PDE11A: variants seen among roughly 807,000 people sequenced by gnomAD.
The protein encoded by PDE11A is dual 3',5'-cyclic-AMP and -GMP phosphodiesterase 11A.
PDE11A carries 100 observed loss-of-function variants against 100.5 expected under a neutral mutation model. The observed-to-expected ratio is 1.00, with a 90% CI of 0.85 to 1.18. The LOEUF (loss-of-function observed/expected upper bound fraction) is 1.18, where lower values mean the gene tolerates loss of function less well. PDE11A is among the 50% of genes most tolerant of loss of function. The pLI is 0.00. For missense variants in PDE11A, 1,141 were observed against 1,152.6 expected (o/e 0.99, Z 0.15); for synonymous variants, 381 against 420.8 (o/e 0.91, Z 1.16).
At chr2:177,649,688 A>G (rs183985667) in intron 19 of PDE11A, among the ~76,000 whole-genome samples, 3 of 152,340 alleles carry the variant, frequency 2.0e-5, no homozygotes, top group Non-Finnish European at 2.9e-5. Context: ...CACACTGTAT[A>G]TAAACTATCT....
intron 19 of PDE11A, among the ~76,000 whole-genome samples, chr2:177,644,422 A>T (rs778059815): frequency 1.3e-5 from 2 of 152,250 alleles, no homozygotes; most frequent in Non-Finnish European, 2.9e-5. Context: ...TCAGACTTGC[A>T]TGGGGCCTTT....
At chr2:177,882,228 G>A (rs1197601893) in intron 4 of PDE11A, among the ~76,000 whole-genome samples, 2 of 152,146 alleles carry the variant, frequency 1.3e-5, no homozygotes, top group Non-Finnish European at 2.9e-5. Context: ...CAAAGCATCA[G>A]ACAACTTATA....
At chr2:178,078,297 C>G (rs1435134798) in intron 2 of PDE11A, among the ~76,000 whole-genome samples, 1 of 152,166 alleles carries the variant, frequency 6.6e-6, no homozygotes, top group East Asian at 1.9e-4. Flanking sequence ...TGCTTCCACA[C>G]ATTTGGTCAT....
At chr2:177,794,946 C>A (rs948098156) in intron 9 of PDE11A, among the ~76,000 whole-genome samples, 2 of 151,952 alleles carry the variant, frequency 1.3e-5, no homozygotes, top group South Asian at 2.1e-4. Flanking sequence ...CCACCATGCC[C>A]AGCTGATTTT....
At chr2:177,922,748 T>C in intron 2 of PDE11A, 1 of 985,448 alleles carries the variant, frequency 1.0e-6, no homozygotes, top group Non-Finnish European at 1.2e-6. Flanking sequence ...TTACAGGGCC[T>C]ACACTCAAAG....
intron 2 of PDE11A, chr2:177,997,980 C>T: frequency 2.5e-6 from 3 of 1,200,740 alleles, no homozygotes; most frequent in Non-Finnish European, 3.7e-6. Context: ...GGAGAACCTG[C>T]TCACAGAAAT....
intron 4 of PDE11A, among the ~76,000 whole-genome samples, chr2:177,883,688 A>G (rs746514165): frequency 2.0e-5 from 3 of 152,236 alleles, no homozygotes; most frequent in Non-Finnish European, 4.4e-5. Flanking sequence ...TTAACTGAAC[A>G]TAATTCAATA....
At chr2:177,819,517 G>A (rs1255329351) in intron 7 of PDE11A, among the ~76,000 whole-genome samples, 1 of 151,846 alleles carries the variant, frequency 6.6e-6, no homozygotes, top group Non-Finnish European at 1.5e-5. Context: ...TCCTTGCCTG[G>A]GCTTCTTTCT....
intron 14 of PDE11A, among the ~76,000 whole-genome samples, chr2:177,699,242 T>A (rs1047076323): frequency 6.6e-6 from 1 of 152,216 alleles, no homozygotes; most frequent in Non-Finnish European, 1.5e-5. Flanking sequence ...ATACATCATA[T>A]TACTGTCTGT....
chr2:177,777,005 G>A (rs776095529), intron 9 of PDE11A, among the ~76,000 whole-genome samples: 3 of 152,024 alleles, frequency 2.0e-5, no homozygotes, highest in East Asian at 3.9e-4. Flanking sequence ...CCTTTTGCTC[G>A]GCACTTCTCC....
chr2:178,012,268 C>T (rs915197365), intron 2 of PDE11A, among the ~76,000 whole-genome samples: 3 of 152,064 alleles, frequency 2.0e-5, no homozygotes, highest in African/African-American at 7.2e-5. Context: ...TATATCATTT[C>T]AAGCTAGAAA....
chr2:178,047,188 A>G (rs1574365666), intron 1 of PDE11A, among the ~76,000 whole-genome samples: 1 of 152,094 alleles, frequency 6.6e-6, no homozygotes, highest in African/African-American at 2.4e-5. Context: ...AAGGCCGGGC[A>G]TGGTGGCTCA....
intron 2 of PDE11A, among the ~76,000 whole-genome samples, chr2:177,908,359 G>A (rs1489308596): frequency 6.6e-6 from 1 of 152,164 alleles, no homozygotes; most frequent in African/African-American, 2.4e-5. Flanking sequence ...TGGTGTAAGG[G>A]AAATCCTAGG....
chr2:177,663,452 A>AG (rs1201027963), intron 19 of PDE11A, among the ~76,000 whole-genome samples: 1 of 150,658 alleles, frequency 6.6e-6, no homozygotes, highest in East Asian at 2.0e-4. Flanking sequence ...AAAAAAAAAA[A>AG]TTTCCATGGT....
chr2:177,941,017 G>C (rs912519203), intron 2 of PDE11A, among the ~76,000 whole-genome samples: 1 of 152,154 alleles, frequency 6.6e-6, no homozygotes, highest in Non-Finnish European at 1.5e-5. Context: ...GAGAAGGTTA[G>C]GGCTCTTAAT....
At chr2:177,859,382 T>C (rs1487743967) in intron 5 of PDE11A, among the ~76,000 whole-genome samples, 1 of 151,804 alleles carries the variant, frequency 6.6e-6, no homozygotes, top group East Asian at 1.9e-4. Context: ...GTGATATATC[T>C]ATACAATAAA....
intron 19 of PDE11A, among the ~76,000 whole-genome samples, chr2:177,636,299 A>G (rs960790157): frequency 6.6e-6 from 1 of 152,178 alleles, no homozygotes; most frequent in African/African-American, 2.4e-5. Flanking sequence ...TCTACACAGT[A>G]CACTTGGTAT....
At chr2:177,686,874 C>T (rs938532948) in intron 15 of PDE11A, 3 of 151,916 alleles carry the variant, frequency 2.0e-5, no homozygotes, top group South Asian at 2.1e-4. Context: ...TGCCACCATG[C>T]TCAGCTAATT....
At chr2:177,905,315 CAG>C (rs1230719134) in intron 2 of PDE11A, 128 bp from the exon 3 acceptor site, 4 of 602,076 alleles carry the variant, frequency 6.6e-6, no homozygotes, top group East Asian at 2.8e-5. Flanking sequence ...AGATTGAATA[CAG>C]AGAGTTGTTG....
Sources: allele counts gnomAD v4.1 joint callset (sites outside exome capture counted in the v4.1 genomes callset), GRCh38; gene constraint gnomAD v4.1.1; transcripts MANE v1.5; gene names NCBI Gene and HGNC (gene_info 2026-07-23, HGNC 2026-07-21).